The following TAOK3 variants were observed in gnomAD, a reference collection of about 807,000 sequenced individuals.
TAOK3 encodes the protein TAO kinase 3.
Under a neutral mutation model 120.4 loss-of-function variants are expected in TAOK3, and 40 were observed. The observed-to-expected ratio is 0.33, with a 90% CI of 0.26 to 0.43. The LOEUF (loss-of-function observed/expected upper bound fraction) is 0.43. TAOK3 is among the 20% of genes least tolerant of loss of function. TAOK3 has a pLI of 1.00. For missense variants in TAOK3, 821 were observed against 1,112.1 expected, an observed-to-expected ratio of 0.74 and a Z score of 3.72; for synonymous variants, 355 against 387.5, an observed-to-expected ratio of 0.92 and a Z score of 0.99.
intron 8 of TAOK3, among the ~76,000 whole-genome samples, chr12:118,235,115 G>C (rs960787077): frequency 5.3e-5 from 8 of 152,178 alleles, no homozygotes; most frequent in African/African-American, 1.7e-4. Flanking sequence ...GAGCCAGACT[G>C]ACAAGCTAGG....
At chr12:118,327,937 T>TA (rs1419654166) in intron 1 of TAOK3, among the ~76,000 whole-genome samples, 1 of 152,210 alleles carries the variant, frequency 6.6e-6, no homozygotes, top group Admixed American at 6.5e-5. Context: ...AGAAAGCATA[T>TA]GTTTAGACAC....
chr12:118,242,716 T>C (rs1388133370), intron 5 of TAOK3, among the ~76,000 whole-genome samples: 1 of 151,876 alleles, frequency 6.6e-6, no homozygotes, highest in Non-Finnish European at 1.5e-5. Context: ...AAAAATTAGC[T>C]GGGTGTGGTG....
At chr12:118,184,750 C>A (rs564168619) in intron 14 of TAOK3, among the ~76,000 whole-genome samples, 3 of 152,190 alleles carry the variant, frequency 2.0e-5, no homozygotes, top group Admixed American at 6.5e-5. Flanking sequence ...AAAATGTGAT[C>A]AACTAAAAGT....
In TAOK3 at chr12:118,166,285, T is replaced by TC. The variant is rs1236257013; in HGVS notation, c.1900-4259dup. ...CAGACGCGGTGGCTCATGCCTATAA[T>TC]CCCAGCACTTTGGGAGGCTGAGACA... On this transcript the variant is annotated intron_variant, in intron 17 of 20. Transcript: ENST00000392533. Among the ~76,000 whole-genome samples the TC allele has an allele frequency of 3.9e-5, 6 of 152,138 alleles. No homozygotes were observed. In the East Asian group the frequency reaches 1.2e-3, roughly 29 times the overall value.
chr12:118,366,089 C>T (rs1049629646), intron 1 of TAOK3, among the ~76,000 whole-genome samples: 39 of 151,976 alleles, frequency 2.6e-4, no homozygotes, highest in African/African-American at 7.7e-4. Flanking sequence ...TATGGCGAAA[C>T]CCCGTCTCTA....
Position 118,243,463 on chromosome 12 carries a change from A to T in TAOK3, c.246T>A (p.Pro82=), listed in dbSNP as rs143538904. The change falls in exon 5 of 21, where the codon CCT becomes CCA. Residue 82 remains proline, a synonymous_variant. Coordinates refer to ENST00000392533, the MANE Select transcript of TAOK3 (RefSeq NM_016281.4). ...EVKFLRQLKH[P]NTIEYKGCYL... The stretch of plus-strand genomic sequence containing the variant: ...AACAGCCTTTGTACTCAATAGTATT[A>T]GGATGCTTCAATTGTCGTAAAAATT... The T allele has an allele frequency of 7.7e-6, 12 of 1,551,850 alleles. No individual in the cohort carries two copies. In the African/African-American group the frequency reaches 1.7e-4, roughly 22 times the overall value.
chr12:118,176,560 T>C (rs1401611403), intron 16 of TAOK3, among the ~76,000 whole-genome samples: 4 of 152,132 alleles, frequency 2.6e-5, no homozygotes, highest in Admixed American at 6.5e-5. Flanking sequence ...GTTATATCAA[T>C]GGTTCTTGAA....
rs763127731 is a variant in TAOK3, at chr12:118,156,733, CTTTA to C, written c.2352+3409_2352+3412del. Among the ~76,000 whole-genome samples the C allele has an allele frequency of 6.6e-5, 10 of 151,864 alleles. No homozygotes were observed. The South Asian group carries it at 1.9e-3, about 28-fold the overall frequency. ...AATACAGGTAGACCATCATCTACTG[CTTTA>C]TTTTTGTTTTTTTTTTAGATGGAGT... On this transcript the variant is annotated intron_variant, in intron 19 of 20. Transcript: ENST00000392533.
At chr12:118,182,255 A>C (rs1163837228) in intron 14 of TAOK3, among the ~76,000 whole-genome samples, 1 of 152,056 alleles carries the variant, frequency 6.6e-6, no homozygotes, top group Admixed American at 6.6e-5. Context: ...ATATACCATC[A>C]CATATATTAC....
At chr12:118,285,375 C>A (rs1297255711) in intron 1 of TAOK3, among the ~76,000 whole-genome samples, 1 of 146,802 alleles carries the variant, frequency 6.8e-6, no homozygotes, top group African/African-American at 2.5e-5. Context: ...TTTTTGAGAC[C>A]AAGTCTTGCT....
intron 12 of TAOK3, 47 bp downstream of exon 12, chr12:118,201,249 A>T (rs2038005551): frequency 1.9e-6 from 3 of 1,544,564 alleles, no homozygotes; most frequent in South Asian, 2.4e-5. Context: ...GAACTTTTTC[A>T]CATAGTGGGC....
chr12:118,265,521 A>G (rs2041411885), intron 2 of TAOK3, among the ~76,000 whole-genome samples: 1 of 152,302 alleles, frequency 6.6e-6, no homozygotes, highest in Non-Finnish European at 1.5e-5. Context: ...GTGTCCATTT[A>G]AAATATGAAA....
chr12:118,322,310 C>T (rs1195719428), intron 1 of TAOK3, among the ~76,000 whole-genome samples: 4 of 107,704 alleles, frequency 3.7e-5, no homozygotes, highest in Admixed American at 3.4e-4. Flanking sequence ...GTGAGACTGT[C>T]TCAAAAAAAA....
intron 1 of TAOK3, among the ~76,000 whole-genome samples, chr12:118,352,369 T>C (rs1011088591): frequency 3.3e-5 from 5 of 151,522 alleles, no homozygotes; most frequent in African/African-American, 1.2e-4. Context: ...CCAGGCATGG[T>C]GGCATGCACC....
At chr12:118,228,153 C>CTTT (rs753232720) in intron 9 of TAOK3, among the ~76,000 whole-genome samples, 1 of 138,156 alleles carries the variant, frequency 7.2e-6, no homozygotes, top group Non-Finnish European at 1.6e-5. Flanking sequence ...TATATATACT[C>CTTT]TTTTTTTTTT....
intron 9 of TAOK3, among the ~76,000 whole-genome samples, chr12:118,224,917 G>A (rs2039427167): frequency 6.6e-6 from 1 of 152,020 alleles, no homozygotes; most frequent in Admixed American, 6.6e-5. Flanking sequence ...AAAGGGAACA[G>A]GACTATCCAC....
In TAOK3 at chr12:118,294,560, T is replaced by A. The variant is rs1009522657; in HGVS notation, c.-193-27801A>T. Among the ~76,000 whole-genome samples, 8 of 152,086 alleles carry A rather than the reference T, an allele frequency of 5.3e-5. No individual in the cohort carries two copies. The South Asian group carries it at 1.5e-3, about 28-fold the overall frequency. ...CACCATGCCCAGCTAATTTTTGTAT[T>A]TTTAGTAGAGATGGGGTTTCACCAT... On this transcript the variant is annotated intron_variant, in intron 1 of 20. Coordinates refer to ENST00000392533, the MANE Select transcript of TAOK3 (RefSeq NM_016281.4).
At chr12:118,190,139 G>T in intron 13 of TAOK3, 198 bp from the exon 14 acceptor site, 1 of 594,006 alleles carries the variant, frequency 1.7e-6, no homozygotes. Context: ...TCAGCTGATC[G>T]CTAGTGGGAT....
At chr12:118,209,598 C>T (rs1307942411) in intron 11 of TAOK3, among the ~76,000 whole-genome samples, 3 of 152,006 alleles carry the variant, frequency 2.0e-5, no homozygotes, top group Admixed American at 6.6e-5. Flanking sequence ...GGGGTTTCTA[C>T]GTGTTGGCCA....
Sources: allele counts gnomAD v4.1 joint callset (sites outside exome capture counted in the v4.1 genomes callset), GRCh38; gene constraint gnomAD v4.1.1; transcripts MANE v1.5; gene names NCBI Gene and HGNC (gene_info 2026-07-23, HGNC 2026-07-21).